The following HCRTR2 variants were observed in gnomAD, a reference collection of about 807,000 sequenced individuals.
The protein encoded by HCRTR2 is hypocretin receptor 2, also known as orexin receptor type 2.
Under a neutral mutation model 49.0 loss-of-function variants are expected in HCRTR2, and 22 were observed. That is an observed-to-expected ratio of 0.45 (90% CI 0.32 to 0.64). The LOEUF is 0.64. Ranked by LOEUF, HCRTR2 falls within the 30% of genes least tolerant of loss-of-function variation. The pLI is 0.04. For missense variants in HCRTR2, 491 were observed against 559.4 expected, an observed-to-expected ratio of 0.88 and a Z score of 1.23; for synonymous variants, 236 against 205.3, an observed-to-expected ratio of 1.15 and a Z score of -1.28.
chr6:55,227,421 C>T (rs1451331920), intron 1 of HCRTR2, among the ~76,000 whole-genome samples: 1 of 152,050 alleles, frequency 6.6e-6, no homozygotes, highest in East Asian at 1.9e-4. Flanking sequence ...TTTCCCTATC[C>T]CTCGAATGGG....
intron 1 of HCRTR2, among the ~76,000 whole-genome samples, chr6:55,209,300 A>G (rs1765657230): frequency 6.6e-6 from 1 of 152,256 alleles, no homozygotes; most frequent in Admixed American, 6.5e-5. Context: ...AAAATTAATT[A>G]GAAAAAAGTT....
intron 1 of HCRTR2, among the ~76,000 whole-genome samples, chr6:55,177,920 AT>A (rs1765068480): frequency 6.6e-6 from 1 of 152,176 alleles, no homozygotes; most frequent in Admixed American, 6.5e-5. Flanking sequence ...TTAATGTGAA[AT>A]TTTAAGTTCT....
intron 1 of HCRTR2, among the ~76,000 whole-genome samples, chr6:55,241,861 ATTTTTTTTT>A (rs917427627): frequency 3.2e-5 from 3 of 92,524 alleles, no homozygotes; most frequent in Admixed American, 1.2e-4. Flanking sequence ...ATGGCAACTA[ATTTTTTTTT>A]TTTTTTTTTT....
At chr6:55,206,011 A>AT (rs573973460) in intron 1 of HCRTR2, among the ~76,000 whole-genome samples, 1 of 152,072 alleles carries the variant, frequency 6.6e-6, no homozygotes, top group South Asian at 2.1e-4. Context: ...AAAAATTATG[A>AT]TTTTTTAAAA....
intron 1 of HCRTR2, among the ~76,000 whole-genome samples, chr6:55,141,521 T>C (rs4712097): frequency 1 from 152,251 of 152,290 alleles, 76,106 homozygotes; most frequent in Non-Finnish European, 1. Flanking sequence ...AACTGTGCTC[T>C]TACTGGTAAT....
At chr6:55,177,992 T>C (rs1765069731) in intron 1 of HCRTR2, among the ~76,000 whole-genome samples, 1 of 152,220 alleles carries the variant, frequency 6.6e-6, no homozygotes, top group African/African-American at 2.4e-5. Context: ...ATCTTCAGAA[T>C]AATGCCACCT....
chr6:55,122,217 T>C (rs977823522), intron 1 of HCRTR2, among the ~76,000 whole-genome samples: 2 of 152,188 alleles, frequency 1.3e-5, no homozygotes, highest in Non-Finnish European at 2.9e-5. Context: ...GAGGAATTTA[T>C]CCATTTCTTC....
At chr6:55,247,242 G>T (rs187978478) in intron 1 of HCRTR2, among the ~76,000 whole-genome samples, 6 of 152,018 alleles carry the variant, frequency 3.9e-5, no homozygotes, top group African/African-American at 1.4e-4. Flanking sequence ...CCTGATTAAG[G>T]TTCACCTGAG....
chr6:55,182,372 G>A (rs1765148041), intron 1 of HCRTR2, among the ~76,000 whole-genome samples: 1 of 152,318 alleles, frequency 6.6e-6, no homozygotes, highest in Non-Finnish European at 1.5e-5. Context: ...GGAGCTTACA[G>A]CTTCTGGCTC....
chr6:55,245,358 C>A (rs555483064), intron 1 of HCRTR2, among the ~76,000 whole-genome samples: 390 of 140,054 alleles, frequency 2.8e-3, no homozygotes, highest in Non-Finnish European at 4.6e-3. Flanking sequence ...CACAAGGGAA[C>A]CGATGTGTGT....
chr6:55,257,701 A>T (rs1766679433), intron 3 of HCRTR2, among the ~76,000 whole-genome samples: 2 of 151,876 alleles, frequency 1.3e-5, no homozygotes, highest in African/African-American at 4.8e-5. Context: ...ATTTTATTAC[A>T]TAACTCTAGC....
chr6:55,260,033 TATA>T (rs1766725363), intron 3 of HCRTR2, among the ~76,000 whole-genome samples: 1 of 152,174 alleles, frequency 6.6e-6, no homozygotes, highest in Non-Finnish European at 1.5e-5. Flanking sequence ...CAGTGTTCAT[TATA>T]ATAATTTGCA....
intron 4 of HCRTR2, among the ~76,000 whole-genome samples, chr6:55,274,526 C>T (rs1767041726): frequency 1.3e-5 from 2 of 151,534 alleles, no homozygotes; most frequent in East Asian, 3.9e-4. Flanking sequence ...TTAGGATGAT[C>T]TTTGTAAGCA....
intron 1 of HCRTR2, among the ~76,000 whole-genome samples, chr6:55,223,310 T>C (rs1765934659): frequency 6.6e-6 from 1 of 152,178 alleles, no homozygotes; most frequent in Non-Finnish European, 1.5e-5. Context: ...CTGGTTACTT[T>C]AGTGAATAGG....
At chr6:55,212,569 C>G (rs1011542780) in intron 1 of HCRTR2, among the ~76,000 whole-genome samples, 3 of 152,152 alleles carry the variant, frequency 2.0e-5, no homozygotes, top group East Asian at 1.9e-4. Flanking sequence ...GCCTCTTTCC[C>G]TCTTCCTGGC....
intron 1 of HCRTR2, among the ~76,000 whole-genome samples, chr6:55,159,265 C>CA (rs1554168785): frequency 3.1e-5 from 3 of 96,388 alleles, no homozygotes; most frequent in African/African-American, 1.1e-4. Flanking sequence ...GCATCAACAT[C>CA]AAAAAAACAA....
upstream of HCRTR2, among the ~76,000 whole-genome samples, chr6:55,173,306 T>C (rs778280298): frequency 4.6e-5 from 7 of 152,200 alleles, no homozygotes; most frequent in Non-Finnish European, 8.8e-5. Flanking sequence ...AAGTAGTGAA[T>C]TGTGGTGGTC....
chr6:55,119,135 G>C (rs140299433), intron 1 of HCRTR2, among the ~76,000 whole-genome samples: 3,801 of 152,138 alleles, frequency 0.025, 161 homozygotes, highest in African/African-American at 0.085. Context: ...TTTCATGGCT[G>C]CACAGTATTC....
intron 1 of HCRTR2, among the ~76,000 whole-genome samples, chr6:55,184,077 A>G (rs1193275993): frequency 6.6e-6 from 1 of 151,948 alleles, no homozygotes; most frequent in African/African-American, 2.4e-5. Context: ...TCAGACATGC[A>G]CCATCACGAG....
Sources: gnomAD v4.1 joint callset for allele counts (sites outside exome capture counted in the v4.1 genomes callset) on GRCh38, gnomAD v4.1.1 for gene constraint, MANE v1.5 for transcripts, NCBI Gene and HGNC (gene_info 2026-07-23, HGNC 2026-07-21) for gene names.